MRPS7: variants seen among roughly 807,000 people sequenced by gnomAD.
MRPS7 encodes small ribosomal subunit protein uS7m.
MRPS7 carries 13 observed loss-of-function variants against 26.2 expected under a neutral mutation model. That is an observed-to-expected ratio of 0.50 (90% CI 0.32 to 0.79). The LOEUF is 0.79. Ranked by LOEUF, MRPS7 falls within the 30% of genes least tolerant of loss-of-function variation. The probability of loss-of-function intolerance (pLI) is 0.03; values close to 1 mark genes in which losing one functional copy is unlikely to be tolerated. For synonymous variants in MRPS7, 129 were observed against 113.3 expected, an observed-to-expected ratio of 1.14 and a Z score of -0.88; for missense variants, 318 against 312.2, an observed-to-expected ratio of 1.02 and a Z score of -0.14.
intron 1 of MRPS7, 136 bp downstream of exon 1, chr17:75,262,119 T>A: frequency 9.5e-7 from 1 of 1,057,082 alleles, no homozygotes. Flanking sequence ...GTTAGCTGCG[T>A]GACCCTGCGC....
chr17:75,266,205 C>T lies in MRPS7; in HGVS notation c.*282C>T, dbSNP rs924494338. 3 of 507,968 alleles carry T rather than the reference C, an allele frequency of 5.9e-6. No homozygotes were observed. The highest frequency in any genetic ancestry group is 3.8e-5 in the African/African-American group (2 of 52,028). The allele number at this position is 507,968 out of a possible 1,614,324, so 31.5% of individuals were successfully genotyped here. On this transcript the variant is annotated 3_prime_UTR_variant, in exon 5 of 5. Coordinates refer to ENST00000245539, the MANE Select transcript of MRPS7 (RefSeq NM_015971.4). Reference sequence around the variant, plus strand: ...TCTCTTCCCTTAGGTTGGGGCGGACCTTTGGATATATAAAGGAAGCAGTTT... The same window carrying T: ...TCTCTTCCCTTAGGTTGGGGCGGACTTTTGGATATATAAAGGAAGCAGTTT...
In MRPS7 at chr17:75,261,973, C is replaced by T. The variant is rs1374116167; in HGVS notation, c.73C>T (p.Gln25Ter). The change falls in exon 1 of 5, where the codon CAG (glutamine) becomes TAG (stop). Residue 25 changes from glutamine (Q) to a stop codon, truncating the protein, a stop_gained. Transcript: ENST00000245539. LOFTEE classifies it high-confidence loss of function. ...LALGVRRAVLQLPGLTQVRWS... is the reference protein window; with the variant it reads ...LALGVRRAVL ...GTTGGGCGTGCGGCGGGCTGTCTTGCAGCTTCCAGGGTGAGAGGGTGGCGA... is the reference window on the plus strand; with the variant it reads ...GTTGGGCGTGCGGCGGGCTGTCTTGTAGCTTCCAGGGTGAGAGGGTGGCGA... The T allele has an allele frequency of 3.1e-6, 5 of 1,601,786 alleles. No individual in the cohort carries two copies. Among genetic ancestry groups the T allele is most frequent in the Non-Finnish European group, 4.2e-6 (5 of 1,178,730 alleles).
At position 75,265,959 on chromosome 17, in the gene MRPS7, GA is replaced by G; in HGVS notation, c.*39del. 1 of 1,594,720 alleles carries G rather than the reference GA, an allele frequency of 6.3e-7. No individual in the cohort carries two copies. Among genetic ancestry groups the G allele is most frequent in the Non-Finnish European group, 8.6e-7 (1 of 1,165,808 alleles). On this transcript the variant is annotated 3_prime_UTR_variant, in exon 5 of 5. Coordinates refer to ENST00000245539, the MANE Select transcript of MRPS7 (RefSeq NM_015971.4). ...AGGAGCCCAGGGCCCTCTGCCGCAA[GA>G]AACAGTGTGAGCTACTGCCACGCTG...
At position 75,265,984 on chromosome 17, in the gene MRPS7, T is replaced by C; in HGVS notation, c.*61T>C. The stretch of plus-strand genomic sequence containing the variant: ...GAAACAGTGTGAGCTACTGCCACGC[T>C]GAAAACTACCTGTGGGTTAAGGATG... On this transcript the variant is annotated 3_prime_UTR_variant, in exon 5 of 5. Coordinates refer to ENST00000245539, the MANE Select transcript of MRPS7 (RefSeq NM_015971.4). 1 of 1,503,224 alleles carries C rather than the reference T, an allele frequency of 6.7e-7. No homozygotes were observed. Among genetic ancestry groups the C allele is most frequent in the Non-Finnish European group, 9.2e-7 (1 of 1,090,212 alleles). 93.1% of individuals were successfully genotyped at this position (1,503,224 alleles called of 1,614,324 possible).
In MRPS7 at chr17:75,262,926, C is replaced by T. The variant is rs2145634569; in HGVS notation, c.339+59C>T. 9 of 1,527,056 alleles carry T rather than the reference C, an allele frequency of 5.9e-6. 1 individual carries two copies. The South Asian group carries it at 9.1e-5, about 15-fold the overall frequency. The allele number at this position is 1,527,056 out of a possible 1,614,324, so 94.6% of individuals were successfully genotyped here. ...TGCCCCCCTACCCCGTAGCCTTGTA[C>T]TTGGTACTTTCAGTGTAGCTTAAGA... On this transcript the variant is annotated intron_variant, in intron 3 of 4. Coordinates refer to ENST00000245539, the MANE Select transcript of MRPS7 (RefSeq NM_015971.4).
chr17:75,263,318 C>T lies in MRPS7; in HGVS notation c.340-22C>T, dbSNP rs749071969. The T allele has an allele frequency of 3.7e-6, 6 of 1,613,802 alleles. No homozygotes were observed. The African/African-American group carries it at 5.3e-5, about 14-fold the overall frequency. On this transcript the variant is annotated intron_variant, in intron 3 of 4. Coordinates refer to ENST00000245539, the MANE Select transcript of MRPS7 (RefSeq NM_015971.4). The stretch of plus-strand genomic sequence containing the variant: ...CCCTTTAGGGAGCCTGGGGCAGCCT[C>T]TTCCACCATATTCTTTTGCAGACTC...
Position 75,262,681 on chromosome 17 carries a change from G to GTCA in MRPS7, c.272_274dup (p.Ile91dup). On this transcript the variant is annotated inframe_insertion, in exon 2 of 5. Coordinates refer to ENST00000245539, the MANE Select transcript of MRPS7 (RefSeq NM_015971.4). Reference sequence around the variant, plus strand: ...AACAAGTTCTGTGTTTGAAGACCCAGTCATCAGGTTAGATGGAAACAAACA... The same window carrying GTCA: ...AACAAGTTCTGTGTTTGAAGACCCAGTCATCATCAGGTTAGATGGAAACAAACA... 6.2e-7 allele frequency: 1 copy of GTCA among 1,614,164 alleles called. No individual in the cohort carries two copies. The highest frequency in any genetic ancestry group is 8.5e-7 in the Non-Finnish European group (1 of 1,180,028).
intron 1 of MRPS7, 114 bp from the exon 2 acceptor site, chr17:75,262,379 CGCGG>C: frequency 8.8e-7 from 1 of 1,137,750 alleles, no homozygotes; most frequent in Non-Finnish European, 1.3e-6. Context: ...AGGTTTAGCT[CGCGG>C]TCTCCGCGCC....
chr17:75,265,656 C>G (rs1440304084), intron 4 of MRPS7, 46 bp from the exon 5 acceptor site: 1 of 1,555,038 alleles, frequency 6.4e-7, no homozygotes, highest in Admixed American at 1.7e-5. Flanking sequence ...GGCCCCAAAC[C>G]CTGGCAGACT....
At position 75,265,441 on chromosome 17, in the gene MRPS7, C is replaced by G. The variant is rs563846694; in HGVS notation, c.508-261C>G. On this transcript the variant is annotated intron_variant, in intron 4 of 4. Transcript: ENST00000245539. ...CCTCCTGCCTCAGCCTCCCAAAGTG[C>G]TGGGATTACAGGTGTGAACCACAGT... 6.0e-4 allele frequency among the ~76,000 whole-genome samples: 91 copies of G among 152,248 alleles called. 1 individual carries two copies. The highest frequency in any genetic ancestry group is 3.4e-4 in the Non-Finnish European group (23 of 67,998).
Position 75,265,976 on chromosome 17 carries a change from T to C in MRPS7, c.*53T>C. 6.5e-7 allele frequency: 1 copy of C among 1,548,810 alleles called. No individual in the cohort carries two copies. Among genetic ancestry groups the C allele is most frequent in the Non-Finnish European group, 8.9e-7 (1 of 1,128,368 alleles). On this transcript the variant is annotated 3_prime_UTR_variant, in exon 5 of 5. Transcript: ENST00000245539. ...TGCCGCAAGAAACAGTGTGAGCTAC[T>C]GCCACGCTGAAAACTACCTGTGGGT...
chr17:75,265,578 C>T, intron 4 of MRPS7, 124 bp from the exon 5 acceptor site: 1 of 810,364 alleles, frequency 1.2e-6, no homozygotes, highest in South Asian at 1.6e-5. Flanking sequence ...AGGCCCTTCT[C>T]CCCAGGCCTG....
In MRPS7 at chr17:75,261,907, G is replaced by C. The variant is rs1056759007; in HGVS notation, c.7G>C (p.Ala3Pro). 1 of 1,608,596 alleles carries C rather than the reference G, an allele frequency of 6.2e-7. No homozygotes were observed. The highest frequency in any genetic ancestry group is 1.7e-5 in the Admixed American group (1 of 59,934). The change falls in exon 1 of 5, where the codon GCC (alanine) becomes CCC (proline). Residue 3 changes from alanine to proline, a missense_variant. Transcript: ENST00000245539. MA[A>P]PAVKVARGWS... ...GTCCTCGTGGCCAGCCAAGATGGCT[G>C]CCCCCGCAGTGAAGGTTGCCCGAGG...
intron 4 of MRPS7, 54 bp from the exon 5 acceptor site, chr17:75,265,647 GC>G: frequency 6.7e-7 from 1 of 1,482,010 alleles, no homozygotes; most frequent in Non-Finnish European, 9.4e-7. Context: ...GAGGCAGGAG[GC>G]CCCAAACCCT....
intron 4 of MRPS7, chr17:75,264,274 T>C (rs1171236133): frequency 6.6e-6 from 1 of 151,936 alleles, no homozygotes; most frequent in East Asian, 1.9e-4. Context: ...TGAAGAAGTA[T>C]CTAAGTGACA....
In MRPS7 at chr17:75,265,716, A is replaced by G; in HGVS notation, c.522A>G (p.Leu174=). The change falls in exon 5 of 5, where the codon CTA becomes CTG. Residue 174 remains leucine, a synonymous_variant. Coordinates refer to ENST00000245539, the MANE Select transcript of MRPS7 (RefSeq NM_015971.4). ...GGRFYQVPVP[L]PDRRRRFLAM... is the part of the protein sequence containing the mutation. ...GTCTCACCCAGGTCCCTGTACCCCT[A>G]CCCGACCGGCGTCGCCGCTTCCTAG... 6.2e-7 allele frequency: 1 copy of G among 1,613,876 alleles called. No individual in the cohort carries two copies. The highest frequency in any genetic ancestry group is 1.3e-5 in the African/African-American group (1 of 75,028).
At position 75,262,683 on chromosome 17, in the gene MRPS7, C is replaced by G; in HGVS notation, c.270C>G (p.Val90=). The G allele has an allele frequency of 1.2e-6, 2 of 1,614,118 alleles. No individual in the cohort carries two copies. The highest frequency in any genetic ancestry group is 1.7e-6 in the Non-Finnish European group (2 of 1,180,022). Reference sequence around the variant, plus strand: ...CAAGTTCTGTGTTTGAAGACCCAGTCATCAGGTTAGATGGAAACAAACACT... The same window carrying G: ...CAAGTTCTGTGTTTGAAGACCCAGTGATCAGGTTAGATGGAAACAAACACT... The part of the protein sequence containing the change: ...GKTSSVFEDP[V]ISKFTNMMMI... Residue 90 remains valine, a synonymous_variant, in exon 2 of 5, where the codon GTC becomes GTG. Coordinates refer to ENST00000245539, the MANE Select transcript of MRPS7 (RefSeq NM_015971.4).
rs1491198105 is a variant in MRPS7, at chr17:75,262,003, CGG to C, written c.83+21_83+22del. Reference sequence around the variant, plus strand: ...TCCAGGGTGAGAGGGTGGCGAGCAGCGGCGGGGGGGCGCTGCGAGGAAGGAAG... The same window carrying C: ...TCCAGGGTGAGAGGGTGGCGAGCAGCCGGGGGGGCGCTGCGAGGAAGGAAG... On this transcript the variant is annotated intron_variant, in intron 1 of 4. Transcript: ENST00000245539. The C allele has an allele frequency of 9.0e-4, 1,304 of 1,450,592 alleles. 13 individuals carry two copies. In the African/African-American group the frequency reaches 0.027, roughly 30 times the overall value. 89.9% of individuals were successfully genotyped at this position (1,450,592 alleles called of 1,614,324 possible). A position where few individuals can be genotyped will look rare whatever the true frequency, so the allele number is the denominator to read the frequency against.
chr17:75,262,261 A>T, intron 1 of MRPS7: 1 of 639,362 alleles, frequency 1.6e-6, no homozygotes, highest in Non-Finnish European at 2.7e-6. Context: ...ATGGGTGTGT[A>T]GGCGCCAAGC....
Sources: gnomAD v4.1 joint callset for allele counts (sites outside exome capture counted in the v4.1 genomes callset) on GRCh38, gnomAD v4.1.1 for gene constraint, MANE v1.5 for transcripts, NCBI Gene and HGNC (gene_info 2026-07-23, HGNC 2026-07-21) for gene names.